IMMP2L: variants seen among roughly 807,000 people sequenced by gnomAD.
The protein encoded by IMMP2L is inner mitochondrial membrane peptidase subunit 2.
In IMMP2L, 18 loss-of-function variants were observed where a neutral mutation model predicts 19.3. That is an observed-to-expected ratio of 0.93 (90% CI 0.64 to 1.38). The LOEUF (loss-of-function observed/expected upper bound fraction) is 1.38, where lower values mean the gene tolerates loss of function less well. Among genes scored for constraint, IMMP2L ranks in the 40% most tolerant of loss-of-function variants. The pLI, the probability that IMMP2L is intolerant of heterozygous loss-of-function variation, is 0.00. For missense variants in IMMP2L, 233 were observed against 218.2 expected (o/e 1.07, Z -0.43); for synonymous variants, 76 against 73.0 (o/e 1.04, Z -0.21).
chr7:110,930,804 T>G (rs1397350658), intron 4 of IMMP2L, among the ~76,000 whole-genome samples: 1 of 152,184 alleles, frequency 6.6e-6, no homozygotes, highest in East Asian at 1.9e-4. Flanking sequence ...ACTTTATTAT[T>G]TAGTTATTAC....
intron 3 of IMMP2L, among the ~76,000 whole-genome samples, chr7:111,114,087 T>A (rs1351256992): frequency 6.6e-6 from 1 of 151,890 alleles, no homozygotes; most frequent in African/African-American, 2.4e-5. Flanking sequence ...ATTCAAAATT[T>A]TCTGAACAGA....
intron 3 of IMMP2L, among the ~76,000 whole-genome samples, chr7:111,070,217 A>AT (rs1269127063): frequency 6.6e-6 from 1 of 152,204 alleles, no homozygotes; most frequent in East Asian, 1.9e-4. Context: ...AATTGGAAAA[A>AT]ATACTGAGCA....
At chr7:111,273,583 T>C (rs921294153) in intron 3 of IMMP2L, among the ~76,000 whole-genome samples, 5 of 152,100 alleles carry the variant, frequency 3.3e-5, no homozygotes, top group Admixed American at 6.6e-5. Flanking sequence ...ACCTTGAGGA[T>C]GCAGGGAGGT....
At chr7:111,482,282 C>G (rs1012737967) in intron 3 of IMMP2L, among the ~76,000 whole-genome samples, 1 of 152,128 alleles carries the variant, frequency 6.6e-6, no homozygotes, top group Non-Finnish European at 1.5e-5. Context: ...TTAAAAATTA[C>G]TATCTCCAGA....
At chr7:110,693,694 A>G (rs554358824) in intron 5 of IMMP2L, among the ~76,000 whole-genome samples, 1 of 152,342 alleles carries the variant, frequency 6.6e-6, no homozygotes, top group South Asian at 2.1e-4. Flanking sequence ...AAAAATCCAT[A>G]GACACCAGAA....
Position 111,370,278 on chromosome 7 carries a change from T to A in IMMP2L, c.239+116960A>T, listed in dbSNP as rs145574217. Among the ~76,000 whole-genome samples, 660 of 152,104 alleles carry A rather than the reference T, an allele frequency of 4.3e-3. 3 individuals are homozygous for A. The highest frequency in any genetic ancestry group is 0.02 in the Middle Eastern group (6 of 294). Reference sequence around the variant, plus strand: ...GAGAGAGTCAGTGAGTCATTCTCTATGATCCTTAATTTCCCCTCCAGTAAT... The same window carrying A: ...GAGAGAGTCAGTGAGTCATTCTCTAAGATCCTTAATTTCCCCTCCAGTAAT... On this transcript the variant is annotated intron_variant, in intron 3 of 5. Coordinates refer to ENST00000405709, the MANE Select transcript of IMMP2L (RefSeq NM_032549.4).
chr7:111,155,575 T>C (rs1804547061), intron 3 of IMMP2L, among the ~76,000 whole-genome samples: 1 of 152,052 alleles, frequency 6.6e-6, no homozygotes, highest in African/African-American at 2.4e-5. Flanking sequence ...TGCATTTATA[T>C]TCCTCTGTCT....
chr7:111,466,156 C>G (rs1180314593), intron 3 of IMMP2L, among the ~76,000 whole-genome samples: 1 of 152,118 alleles, frequency 6.6e-6, no homozygotes, highest in African/African-American at 2.4e-5. Context: ...AGGGGAACAT[C>G]ACACACTGTG....
intron 3 of IMMP2L, among the ~76,000 whole-genome samples, chr7:110,986,546 G>A (rs1187687155): frequency 6.6e-6 from 1 of 152,142 alleles, no homozygotes; most frequent in Non-Finnish European, 1.5e-5. Flanking sequence ...AGGCTTCCCA[G>A]GTCTCTTACG....
Position 111,240,032 on chromosome 7 carries a change from T to C in IMMP2L, c.239+247206A>G, listed in dbSNP as rs112855877. Among the ~76,000 whole-genome samples, 479 of 152,040 alleles carry C rather than the reference T, an allele frequency of 3.2e-3. 3 individuals are homozygous for C. The highest frequency in any genetic ancestry group is 0.011 in the African/African-American group (454 of 41,544). On this transcript the variant is annotated intron_variant, in intron 3 of 5. Coordinates refer to ENST00000405709, the MANE Select transcript of IMMP2L (RefSeq NM_032549.4). ...TGGCATTACCACCTTATTGTCACAA[T>C]AATGGATGTTTTGACATTGACAATA...
chr7:111,240,219 A>G (rs771308098), intron 3 of IMMP2L, among the ~76,000 whole-genome samples: 2 of 151,992 alleles, frequency 1.3e-5, no homozygotes, highest in Non-Finnish European at 2.9e-5. Context: ...ACACTAGGCT[A>G]TAATGAATGG....
intron 5 of IMMP2L, among the ~76,000 whole-genome samples, chr7:110,881,988 A>G (rs1325141417): frequency 6.6e-6 from 1 of 151,920 alleles, no homozygotes; most frequent in South Asian, 2.1e-4. Context: ...GCTCTCTCAT[A>G]CCCCCATCTA....
chr7:110,953,832 G>C (rs772956631), intron 4 of IMMP2L, among the ~76,000 whole-genome samples: 5 of 152,072 alleles, frequency 3.3e-5, no homozygotes, highest in Non-Finnish European at 7.4e-5. Flanking sequence ...AGCATCTGTT[G>C]TTTCCTGACT....
intron 5 of IMMP2L, among the ~76,000 whole-genome samples, chr7:110,667,122 G>C (rs758301979): frequency 2.0e-5 from 3 of 151,746 alleles, no homozygotes; most frequent in Non-Finnish European, 4.4e-5. Flanking sequence ...CATCTGCCTT[G>C]GCCTCCCAAA....
chr7:111,330,974 T>C (rs1825817681), intron 3 of IMMP2L, among the ~76,000 whole-genome samples: 3 of 151,922 alleles, frequency 2.0e-5, no homozygotes, highest in Admixed American at 1.3e-4. Context: ...TGTATACTGT[T>C]GGTGCGAATA....
intron 3 of IMMP2L, among the ~76,000 whole-genome samples, chr7:111,161,925 TA>T (rs892979106): frequency 3.3e-5 from 5 of 151,868 alleles, no homozygotes; most frequent in Non-Finnish European, 7.4e-5. Flanking sequence ...ATCCAACATT[TA>T]AAAAAAATTA....
At position 111,305,580 on chromosome 7, in the gene IMMP2L, T is replaced by C. The variant is rs958461151; in HGVS notation, c.239+181658A>G. Among the ~76,000 whole-genome samples the C allele has an allele frequency of 8.5e-5, 13 of 152,064 alleles. 1 individual carries two copies. The highest frequency in any genetic ancestry group is 2.4e-4 in the African/African-American group (10 of 41,406). The stretch of plus-strand genomic sequence containing the variant: ...ACCTCCGCCTCCCAAGTTCAAGTGA[T>C]TCTCCCGCCTCAGCCTCCTGAGTGG... On this transcript the variant is annotated intron_variant, in intron 3 of 5. Transcript: ENST00000405709.
chr7:111,197,261 T>G (rs890733420), intron 3 of IMMP2L, among the ~76,000 whole-genome samples: 1 of 151,982 alleles, frequency 6.6e-6, no homozygotes, highest in Non-Finnish European at 1.5e-5. Flanking sequence ...AGGAGATGGA[T>G]ACCATCCTGG....
chr7:111,373,725 A>G (rs1830440071), intron 3 of IMMP2L, among the ~76,000 whole-genome samples: 1 of 152,000 alleles, frequency 6.6e-6, no homozygotes, highest in African/African-American at 2.4e-5. Flanking sequence ...CAAAAATAGT[A>G]AGATTATACT....
Sources: gnomAD v4.1 joint callset for allele counts (sites outside exome capture counted in the v4.1 genomes callset) on GRCh38, gnomAD v4.1.1 for gene constraint, MANE v1.5 for transcripts, NCBI Gene and HGNC (gene_info 2026-07-23, HGNC 2026-07-21) for gene names.